Variants in GPI observed in about 807,000 individuals in gnomAD.
GPI encodes D-hexose-6-phosphate anomerase.
Under a neutral mutation model 75.8 loss-of-function variants are expected in GPI, and 56 were observed. The observed-to-expected ratio is 0.74, with a 90% CI of 0.60 to 0.92. The LOEUF (loss-of-function observed/expected upper bound fraction) is 0.92, where lower values mean the gene tolerates loss of function less well. GPI is among the 40% of genes least tolerant of loss of function. The pLI is 0.00. For synonymous variants in GPI, 288 were observed against 285.4 expected, an observed-to-expected ratio of 1.01 and a Z score of -0.09; for missense variants, 638 against 741.0, an observed-to-expected ratio of 0.86 and a Z score of 1.61.
chr19:34,363,682 T>C (rs1419803888), upstream of GPI, among the ~76,000 whole-genome samples: 2 of 152,140 alleles, frequency 1.3e-5, no homozygotes, highest in East Asian at 3.9e-4. Flanking sequence ...TAGTTGGGTG[T>C]GGTGGCGTGC....
upstream of GPI, among the ~76,000 whole-genome samples, chr19:34,363,163 G>A (rs986984262): frequency 6.6e-6 from 1 of 152,156 alleles, no homozygotes; most frequent in African/African-American, 2.4e-5. Flanking sequence ...AAAATTAGCT[G>A]GGCATGGTGG....
intron 15 of GPI, 83 bp downstream of exon 15, chr19:34,399,418 T>G: frequency 6.3e-7 from 1 of 1,589,078 alleles, no homozygotes; most frequent in Non-Finnish European, 8.6e-7. Context: ...GCTTGGGGCG[T>G]GCCTGGCTTG....
chr19:34,370,508 C>T (rs1023317944), intron 4 of GPI, among the ~76,000 whole-genome samples: 2 of 151,964 alleles, frequency 1.3e-5, no homozygotes, highest in Non-Finnish European at 2.9e-5. Flanking sequence ...CATGTGAGGT[C>T]GGGAGTTTGA....
intron 1 of GPI, 148 bp downstream of exon 1, chr19:34,365,536 C>G (rs2074348153): frequency 2.3e-6 from 3 of 1,302,212 alleles, no homozygotes; most frequent in Non-Finnish European, 2.1e-6. Flanking sequence ...CGAGTCCGCA[C>G]TTCGTCCTTG....
rs770329982 is a variant in GPI, at chr19:34,393,872, C to T, written c.910-42C>T. 2.3e-5 allele frequency: 37 copies of T among 1,610,840 alleles called. 1 individual carries two copies. In the Admixed American group the frequency reaches 3.3e-4, roughly 15 times the overall value. On this transcript the variant is annotated intron_variant, in intron 11 of 17. Transcript: ENST00000356487. This position sits in a 1 kb window ranked among gnomAD's most constrained non-coding sequence, Gnocchi z 4.4. ...CCCACTGTCCTGTCCCTCCCCTCCC[C>T]GTGCAGCTGCTCAGCTCCCACTCAT...
At chr19:34,382,026 C>G (rs553575911) in intron 9 of GPI, among the ~76,000 whole-genome samples, 3 of 152,248 alleles carry the variant, frequency 2.0e-5, no homozygotes, top group African/African-American at 7.2e-5. Context: ...ACAGGGCTGC[C>G]GACCCCTCTG....
chr19:34,365,365 C>G lies in GPI; in HGVS notation c.99C>G (p.Asn33Lys). 1 of 1,590,176 alleles carries G rather than the reference C, an allele frequency of 6.3e-7. No individual in the cohort carries two copies. Among genetic ancestry groups the G allele is most frequent in the Non-Finnish European group, 8.5e-7 (1 of 1,170,386 alleles). Residue 33 changes from asparagine (N) to lysine (K), a missense_variant, in exon 1 of 18, where the codon AAC becomes AAG. Physicochemically the swap from Asn to Lys is moderately conservative, Grantham distance 94 (BLOSUM62 0). Transcript: ENST00000356487. ...ELNLRRLFDANKDRFNHFSLT... is the reference protein window; with the variant it reads ...ELNLRRLFDAKKDRFNHFSLT... The stretch of plus-strand genomic sequence containing the variant: ...ACCTGCGCCGCCTCTTCGATGCCAA[C>G]AAGGACCGCTTCAACCACTTCAGGT...
At chr19:34,365,178 C>A, upstream of GPI, 1 of 1,284,408 alleles carries the variant, frequency 7.8e-7, no homozygotes, top group Non-Finnish European at 9.8e-7. Flanking sequence ...TAAAGGCCGC[C>A]GCGCGCCCAC....
intron 4 of GPI, among the ~76,000 whole-genome samples, chr19:34,374,155 A>ATTTTTTTTTTG (rs2074498045): frequency 8.5e-6 from 1 of 117,236 alleles, no homozygotes; most frequent in African/African-American, 3.4e-5. Flanking sequence ...TTTTTTTTTA[A>ATTTTTTTTTTG]ATTTTTTTAG....
chr19:34,399,176 T>G, intron 14 of GPI, 31 bp from the exon 15 acceptor site: 3 of 1,605,070 alleles, frequency 1.9e-6, no homozygotes, highest in Non-Finnish European at 2.6e-6. Flanking sequence ...CAGACAGTGC[T>G]CTCAAGCATA....
intron 9 of GPI, among the ~76,000 whole-genome samples, chr19:34,389,145 C>T (rs1179776148): frequency 6.6e-6 from 1 of 152,062 alleles, no homozygotes. Flanking sequence ...ATGTGAGAGC[C>T]TATGTCAAGC....
intron 4 of GPI, among the ~76,000 whole-genome samples, chr19:34,375,677 G>A (rs944163629): frequency 2.0e-5 from 3 of 152,290 alleles, no homozygotes; most frequent in Admixed American, 1.3e-4. Context: ...GTTCGCTGCC[G>A]CGTGGGCTTC....
In GPI at chr19:34,368,631, A is replaced by T; in HGVS notation, c.331A>T (p.Ile111Phe). The change falls in exon 4 of 18, where the codon ATC (isoleucine) becomes TTC (phenylalanine). Residue 111 changes from isoleucine (I) to phenylalanine (F), a missense_variant. Transcript: ENST00000356487. ...TCTGCGGAACCGGTCAAACACACCCATCCTGGTAGACGGCAAGGATGTGAT... is the reference window on the plus strand; with the variant it reads ...TCTGCGGAACCGGTCAAACACACCCTTCCTGGTAGACGGCAAGGATGTGAT... ...VALRNRSNTP[I>F]LVDGKDVMPE... 1 of 1,614,104 alleles carries T rather than the reference A, an allele frequency of 6.2e-7. No homozygotes were observed. The highest frequency in any genetic ancestry group is 8.5e-7 in the Non-Finnish European group (1 of 1,179,976).
Position 34,393,751 on chromosome 19 carries a change from C to T in GPI, c.889C>T (p.Leu297Phe). 3.1e-6 allele frequency: 5 copies of T among 1,613,340 alleles called. No individual in the cohort carries two copies. Among genetic ancestry groups the T allele is most frequent in the Non-Finnish European group, 3.4e-6 (4 of 1,180,006 alleles). Residue 297 changes from leucine (L) to phenylalanine (F), a missense_variant, in exon 11 of 18, where the codon CTC (leucine) becomes TTC (phenylalanine). Leu to Phe is a conservative substitution (Grantham distance 22, BLOSUM62 0). Coordinates refer to ENST00000356487, the MANE Select transcript of GPI (RefSeq NM_000175.5). This position sits in a 1 kb window ranked among gnomAD's most constrained non-coding sequence, Gnocchi z 4.4. ...AGGTTTTGACAACTTCGAGCAGCTGCTCTCGGGGGCTCACTGGATGGTGAG... is the reference window on the plus strand; with the variant it reads ...AGGTTTTGACAACTTCGAGCAGCTGTTCTCGGGGGCTCACTGGATGGTGAG... ...HVGFDNFEQL[L>F]SGAHWMDQHF...
intron 4 of GPI, among the ~76,000 whole-genome samples, chr19:34,373,897 C>T (rs1408498807): frequency 6.6e-6 from 1 of 152,162 alleles, no homozygotes; most frequent in East Asian, 1.9e-4. Flanking sequence ...AGTGAGTGAT[C>T]CAATAGAGAG....
At position 34,399,338 on chromosome 19, in the gene GPI, C is replaced by A; in HGVS notation, c.1398+3C>A. 6.2e-7 allele frequency: 1 copy of A among 1,614,030 alleles called. No individual in the cohort carries two copies. The highest frequency in any genetic ancestry group is 1.1e-5 in the South Asian group (1 of 90,982). ...TTGAGAGGCTGCTGCCACATAAGGT[C>A]AGCACTTCTGCATTTGGCTTTGGGG... On this transcript the variant is annotated splice_donor_region_variant and intron_variant, in intron 15 of 17. Coordinates refer to ENST00000356487, the MANE Select transcript of GPI (RefSeq NM_000175.5).
rs546737805 is a variant in GPI at position 34,377,637 on chromosome 19, C to T, written c.486+51C>T. ...GGGTGGGAGTCTGGGCACTGTTGGT[C>T]CCACTCAGGTCTTTACTTTCTCCAG... is the stretch of plus-strand genomic sequence containing the variant. On this transcript the variant is annotated intron_variant, in intron 5 of 17. Transcript: ENST00000356487. 7.6e-6 allele frequency: 12 copies of T among 1,581,774 alleles called. No individual in the cohort carries two copies. In the African/African-American group the frequency reaches 1.4e-4, roughly 18 times the overall value.
intron 4 of GPI, among the ~76,000 whole-genome samples, chr19:34,377,250 C>T (rs1265343337): frequency 3.2e-5 from 4 of 123,490 alleles, no homozygotes; most frequent in Admixed American, 1.1e-4. Context: ...TGCAGGGAGC[C>T]GAGATCATGC....
rs1214297048 is a variant in GPI, at chr19:34,396,381, G to A, written c.1143G>A (p.Gly381=). The A allele has an allele frequency of 6.2e-7, 1 of 1,614,206 alleles. No homozygotes were observed. The highest frequency in any genetic ancestry group is 1.3e-5 in the African/African-American group (1 of 75,064). Reference sequence around the variant, plus strand: ...ACCAGACAGGCCCCATTGTGTGGGGGGAGCCAGGGACCAATGGCCAGCATG... The same window carrying A: ...ACCAGACAGGCCCCATTGTGTGGGGAGAGCCAGGGACCAATGGCCAGCATG... ...VDHQTGPIVW[G]EPGTNGQHAF... is the part of the protein sequence containing the mutation. Residue 381 remains glycine (G), a synonymous_variant, in exon 13 of 18, where the codon GGG becomes GGA. Transcript: ENST00000356487.
Sources: allele counts gnomAD v4.1 joint callset (sites outside exome capture counted in the v4.1 genomes callset), GRCh38; gene constraint gnomAD v4.1.1; non-coding constraint Gnocchi (gnomAD v3.1); transcripts MANE v1.5; gene names NCBI Gene and HGNC (gene_info 2026-07-23, HGNC 2026-07-21).